The following DLC1 variants were observed in gnomAD, a reference collection of about 807,000 sequenced individuals.
DLC1 encodes the protein DLC1 Rho GTPase activating protein, also known as rho GTPase-activating protein 7.
In DLC1, 54 loss-of-function variants were observed where a neutral mutation model predicts 140.3. That is an observed-to-expected ratio of 0.38 (90% CI 0.31 to 0.48). DLC1 has a LOEUF of 0.48. Ranked by LOEUF, DLC1 falls within the 20% of genes least tolerant of loss-of-function variation. DLC1 has a pLI of 0.96. For synonymous variants in DLC1, 986 were observed against 728.1 expected, an observed-to-expected ratio of 1.35 and a Z score of -5.70; for missense variants, 2,536 against 1,907.0, an observed-to-expected ratio of 1.33 and a Z score of -6.14.
intron 1 of DLC1, among the ~76,000 whole-genome samples, chr8:13,535,222 T>C (rs1003071713): frequency 6.6e-6 from 1 of 152,140 alleles, no homozygotes; most frequent in Admixed American, 6.5e-5. Context: ...AGGGTCTAAA[T>C]AGTCATGTGT....
chr8:13,440,166 G>A (rs897301660), intron 2 of DLC1, among the ~76,000 whole-genome samples: 10 of 152,104 alleles, frequency 6.6e-5, no homozygotes, highest in Admixed American at 3.3e-4. Flanking sequence ...AGTACGCATA[G>A]GTTTCTCATT....
intron 12 of DLC1, among the ~76,000 whole-genome samples, chr8:13,093,484 A>T (rs1183208573): frequency 6.6e-6 from 1 of 152,218 alleles, no homozygotes; most frequent in Non-Finnish European, 1.5e-5. Context: ...ATGCATATGA[A>T]TATGCAAATA....
chr8:13,369,469 T>A (rs1835637431), intron 4 of DLC1, among the ~76,000 whole-genome samples: 1 of 152,114 alleles, frequency 6.6e-6, no homozygotes, highest in Non-Finnish European at 1.5e-5. Flanking sequence ...CTCGTCTGAA[T>A]GATTGTTTTC....
At chr8:13,399,186 A>G (rs186487459) in intron 3 of DLC1, among the ~76,000 whole-genome samples, 2 of 152,328 alleles carry the variant, frequency 1.3e-5, no homozygotes, top group African/African-American at 4.8e-5. Flanking sequence ...TCCTAATTCA[A>G]ACTTCAAAAA....
At chr8:13,572,087 TA>T (rs1271600599) in intron 1 of DLC1, among the ~76,000 whole-genome samples, 115 of 65,826 alleles carry the variant, frequency 1.7e-3, no homozygotes, top group Admixed American at 4.7e-3. Context: ...TTATTATTAT[TA>T]TTATTTATTT....
intron 5 of DLC1, among the ~76,000 whole-genome samples, chr8:13,125,565 T>A (rs1821480453): frequency 6.6e-6 from 1 of 152,184 alleles, no homozygotes. Flanking sequence ...ATGAGGAAGC[T>A]GGTACAGAAT....
chr8:13,356,433 A>T (rs1834945801), intron 4 of DLC1, among the ~76,000 whole-genome samples: 1 of 152,156 alleles, frequency 6.6e-6, no homozygotes, highest in Non-Finnish European at 1.5e-5. Context: ...ATTGTCCTTT[A>T]TCCTATTCCA....
intron 1 of DLC1, among the ~76,000 whole-genome samples, chr8:13,585,511 G>T (rs1157932375): frequency 6.6e-6 from 1 of 152,168 alleles, no homozygotes; most frequent in Non-Finnish European, 1.5e-5. Flanking sequence ...AATTTGTAAA[G>T]GTGCATTAGT....
chr8:13,142,181 C>T (rs752184891), intron 5 of DLC1, among the ~76,000 whole-genome samples: 7 of 152,314 alleles, frequency 4.6e-5, no homozygotes, highest in Admixed American at 1.3e-4. Flanking sequence ...CCTTCCCCAG[C>T]GGTGGCGAAC....
chr8:13,186,683 T>G (rs1176739811), intron 5 of DLC1, among the ~76,000 whole-genome samples: 1 of 152,260 alleles, frequency 6.6e-6, no homozygotes, highest in Non-Finnish European at 1.5e-5. Flanking sequence ...CATCCAGCTT[T>G]GTTCCGTTGC....
At chr8:13,133,123 C>A in intron 5 of DLC1, 1 of 1,464,014 alleles carries the variant, frequency 6.8e-7, no homozygotes, top group Non-Finnish European at 9.0e-7. Flanking sequence ...CGCTCCCTGC[C>A]CCTCGTCACG....
At chr8:13,324,160 T>C (rs1470881048) in intron 4 of DLC1, among the ~76,000 whole-genome samples, 1 of 152,206 alleles carries the variant, frequency 6.6e-6, no homozygotes, top group Admixed American at 6.5e-5. Context: ...TTGCTGCAGA[T>C]TTTTTTCAAA....
intron 5 of DLC1, among the ~76,000 whole-genome samples, chr8:13,179,604 C>T (rs894402627): frequency 6.6e-6 from 1 of 151,758 alleles, no homozygotes; most frequent in Admixed American, 6.6e-5. Context: ...ACCTGTAGTC[C>T]CAGCTATTTG....
At chr8:13,154,835 A>T (rs558237347) in intron 5 of DLC1, among the ~76,000 whole-genome samples, 1 of 152,292 alleles carries the variant, frequency 6.6e-6, no homozygotes, top group African/African-American at 2.4e-5. Context: ...AAAACGACTC[A>T]ATTTTTCACT....
At chr8:13,575,636 G>T (rs1458578271) in intron 1 of DLC1, among the ~76,000 whole-genome samples, 2 of 152,048 alleles carry the variant, frequency 1.3e-5, no homozygotes, top group African/African-American at 4.8e-5. Context: ...TATCCCTGTT[G>T]CTTGACTGAC....
intron 5 of DLC1, among the ~76,000 whole-genome samples, chr8:13,302,605 C>T (rs959794110): frequency 1.3e-5 from 2 of 150,784 alleles, no homozygotes; most frequent in African/African-American, 2.4e-5. Context: ...TAGAGCTTCA[C>T]AAAGCCTGGT....
At chr8:13,565,396 G>A (rs960195216) in intron 1 of DLC1, among the ~76,000 whole-genome samples, 1 of 152,188 alleles carries the variant, frequency 6.6e-6, no homozygotes, top group South Asian at 2.1e-4. Flanking sequence ...TAAATATTCA[G>A]AGAATGAGGC....
At chr8:13,375,716 GTTATT>G (rs1384617887) in intron 4 of DLC1, among the ~76,000 whole-genome samples, 1 of 109,554 alleles carries the variant, frequency 9.1e-6, no homozygotes, top group Non-Finnish European at 1.9e-5. Flanking sequence ...AATGATGACT[GTTATT>G]TTATTTTATT....
intron 5 of DLC1, among the ~76,000 whole-genome samples, chr8:13,221,833 AAT>A (rs1335161270): frequency 1.4e-5 from 2 of 145,040 alleles, no homozygotes; most frequent in African/African-American, 5.0e-5. Context: ...AATACATCAA[AAT>A]ATTAATATAA....
Sources: gnomAD v4.1 joint callset for allele counts (sites outside exome capture counted in the v4.1 genomes callset) on GRCh38, gnomAD v4.1.1 for gene constraint, MANE v1.5 for transcripts, NCBI Gene and HGNC (gene_info 2026-07-23, HGNC 2026-07-21) for gene names.